Variants in KCNIP4 observed in about 807,000 individuals in gnomAD.
KCNIP4 encodes Kv channel-interacting protein 4.
In KCNIP4, 12 loss-of-function variants were observed where a neutral mutation model predicts 34.0. That is an observed-to-expected ratio of 0.35 (90% CI 0.23 to 0.57). The LOEUF is 0.57. Among genes scored for constraint, KCNIP4 ranks in the 20% least tolerant of loss-of-function variants. The pLI is 0.83. For missense variants in KCNIP4, 238 were observed against 311.7 expected (o/e 0.76, Z 1.78); for synonymous variants, 124 against 102.2 (o/e 1.21, Z -1.29).
chr4:20,821,254 C>G (rs532733625), intron 3 of KCNIP4, among the ~76,000 whole-genome samples: 9 of 152,316 alleles, frequency 5.9e-5, no homozygotes, highest in Middle Eastern at 3.4e-3. Flanking sequence ...TTTGCCTTGT[C>G]GGGTTTAAAT....
chr4:21,007,700 C>T (rs1403977489), intron 1 of KCNIP4, among the ~76,000 whole-genome samples: 1 of 152,152 alleles, frequency 6.6e-6, no homozygotes, highest in Non-Finnish European at 1.5e-5. Context: ...TAATGGCGCT[C>T]TGAATACTCC....
chr4:21,925,574 C>A (rs1271354717), intron 1 of KCNIP4, among the ~76,000 whole-genome samples: 1 of 152,104 alleles, frequency 6.6e-6, no homozygotes. Context: ...TCCAGGGCTG[C>A]ACTCAGGAGA....
intron 1 of KCNIP4, among the ~76,000 whole-genome samples, chr4:21,295,042 A>T (rs1333242990): frequency 6.6e-6 from 1 of 152,180 alleles, no homozygotes; most frequent in African/African-American, 2.4e-5. Context: ...TCTCTAGTAA[A>T]GTCCTATTAA....
At chr4:20,759,093 T>C (rs1754729292) in intron 3 of KCNIP4, among the ~76,000 whole-genome samples, 1 of 152,188 alleles carries the variant, frequency 6.6e-6, no homozygotes, top group African/African-American at 2.4e-5. Context: ...TAGATGTAAA[T>C]ATCTTTGCAT....
chr4:21,465,502 T>C (rs1177334637), intron 1 of KCNIP4, among the ~76,000 whole-genome samples: 2 of 152,180 alleles, frequency 1.3e-5, no homozygotes, highest in Non-Finnish European at 2.9e-5. Context: ...CAATGCCCAG[T>C]GTCCTAAGAC....
chr4:21,041,042 C>T (rs1560669838), intron 1 of KCNIP4, among the ~76,000 whole-genome samples: 2 of 151,836 alleles, frequency 1.3e-5, no homozygotes, highest in Admixed American at 6.6e-5. Flanking sequence ...TCTTCTATAG[C>T]CTTTAACCCC....
At chr4:21,171,645 G>A (rs558004685) in intron 1 of KCNIP4, among the ~76,000 whole-genome samples, 2 of 152,244 alleles carry the variant, frequency 1.3e-5, no homozygotes, top group South Asian at 4.2e-4. Context: ...GGAACACCTG[G>A]ATTTGAATCC....
chr4:21,805,925 A>T (rs1045201885), intron 1 of KCNIP4, among the ~76,000 whole-genome samples: 1 of 152,204 alleles, frequency 6.6e-6, no homozygotes, highest in Admixed American at 6.5e-5. Context: ...GGTGTTAAGA[A>T]TTAGGCATGA....
At chr4:20,738,221 T>C (rs967997685) in intron 5 of KCNIP4, among the ~76,000 whole-genome samples, 4 of 152,098 alleles carry the variant, frequency 2.6e-5, no homozygotes, top group Admixed American at 2.0e-4. Flanking sequence ...TGCTGAGCAG[T>C]TTTGAAAGGC....
chr4:21,489,546 G>A (rs562920940), intron 1 of KCNIP4, among the ~76,000 whole-genome samples: 1 of 151,978 alleles, frequency 6.6e-6, no homozygotes, highest in Non-Finnish European at 1.5e-5. Flanking sequence ...TAGCTCACTA[G>A]CATCTTTTAT....
chr4:21,895,845 C>T (rs1727355865), intron 1 of KCNIP4, among the ~76,000 whole-genome samples: 1 of 152,182 alleles, frequency 6.6e-6, no homozygotes. Flanking sequence ...TAACAACATC[C>T]AATAAGACTC....
intron 1 of KCNIP4, among the ~76,000 whole-genome samples, chr4:20,961,475 G>A (rs1363424038): frequency 1.3e-5 from 2 of 151,958 alleles, no homozygotes; most frequent in Admixed American, 6.6e-5. Flanking sequence ...CTCAGCAAAG[G>A]CAACAATTCA....
chr4:21,380,709 T>C (rs12641447), intron 1 of KCNIP4, among the ~76,000 whole-genome samples: 84,640 of 151,754 alleles, frequency 0.56, 24,311 homozygotes, highest in Non-Finnish European at 0.62. Flanking sequence ...TTTTTGGCTA[T>C]AGATTAACTA....
chr4:21,467,284 T>TA (rs1020636630), intron 1 of KCNIP4, among the ~76,000 whole-genome samples: 13 of 152,108 alleles, frequency 8.5e-5, no homozygotes, highest in East Asian at 3.9e-4. Flanking sequence ...CAAGAGTTAA[T>TA]AAAAAAATGT....
At chr4:21,213,274 A>T (rs555995263) in intron 1 of KCNIP4, among the ~76,000 whole-genome samples, 36 of 151,934 alleles carry the variant, frequency 2.4e-4, no homozygotes, top group Admixed American at 2.1e-3. Flanking sequence ...TCTTTCTTTC[A>T]TTCTTTCTTT....
intron 1 of KCNIP4, among the ~76,000 whole-genome samples, chr4:21,086,190 G>A (rs1185175071): frequency 6.6e-6 from 1 of 152,072 alleles, no homozygotes; most frequent in Non-Finnish European, 1.5e-5. Flanking sequence ...ATTCTATATT[G>A]TCAAGTGAAA....
intron 1 of KCNIP4, among the ~76,000 whole-genome samples, chr4:21,034,590 G>GGACA (rs1560664066): frequency 6.6e-6 from 1 of 152,078 alleles, no homozygotes; most frequent in African/African-American, 2.4e-5. Flanking sequence ...GGGTGACTGG[G>GGACA]GACAGCCTGA....
At chr4:21,331,412 G>T (rs780723950) in intron 1 of KCNIP4, among the ~76,000 whole-genome samples, 3 of 151,892 alleles carry the variant, frequency 2.0e-5, no homozygotes, top group Non-Finnish European at 4.4e-5. Context: ...TGTTCCTGTT[G>T]ATATTGTCTC....
rs5856652 is a variant in KCNIP4, at chr4:21,629,849, C to CTTTTTTTTTTTT, written c.61+318710_61+318721dup. Among the ~76,000 whole-genome samples the CTTTTTTTTTTTT allele has an allele frequency of 6.6e-4, 58 of 87,782 alleles. 2 individuals carry two copies. Among genetic ancestry groups the CTTTTTTTTTTTT allele is most frequent in the South Asian group, 1.4e-3 (3 of 2,172 alleles). The allele number at this position is 87,782 out of a possible 152,430, so 57.6% of individuals were successfully genotyped here. ...ACCATATTTCCTTTTCTTTTTCTTT[C>CTTTTTTTTTTTT]TTTTTTTTTTTTTTTTTTTGAGACA... On this transcript the variant is annotated intron_variant, in intron 1 of 8. Transcript: ENST00000382152.
Sources: allele counts gnomAD v4.1 joint callset (sites outside exome capture counted in the v4.1 genomes callset), GRCh38; gene constraint gnomAD v4.1.1; transcripts MANE v1.5; gene names NCBI Gene and HGNC (gene_info 2026-07-23, HGNC 2026-07-21).